ZRANB1: variants seen among roughly 807,000 people sequenced by gnomAD.
ZRANB1 encodes zinc finger RANBP2-type containing 1, also known as ubiquitin thioesterase ZRANB1.
A neutral mutation model predicts 80.5 loss-of-function variants in ZRANB1; 16 were observed. That is an observed-to-expected ratio of 0.20 (90% CI 0.13 to 0.30). ZRANB1 has a LOEUF of 0.30. Ranked by LOEUF, ZRANB1 falls within the 10% of genes least tolerant of loss-of-function variation. The probability of loss-of-function intolerance (pLI) is 1.00; values close to 1 mark genes in which losing one functional copy is unlikely to be tolerated. For missense variants in ZRANB1, 576 were observed against 862.6 expected, an observed-to-expected ratio of 0.67 and a Z score of 4.16; for synonymous variants, 291 against 293.1, an observed-to-expected ratio of 0.99 and a Z score of 0.07.
Position 124,983,523 on chromosome 10 carries a change from T to C in ZRANB1, c.1743T>C (p.Tyr581=), listed in dbSNP as rs562825045. The C allele has an allele frequency of 1.3e-4, 206 of 1,614,182 alleles. 1 individual carries two copies. In the South Asian group the frequency reaches 2.2e-3, roughly 17 times the overall value. ...FCWKSPIALG[Y]TRGHFSALVA... Reference sequence around the variant, plus strand: ...GGAAAAGTCCGATTGCTCTGGGTTATACGAGGGGCCACTTCTCTGCTTTGG... The same window carrying C: ...GGAAAAGTCCGATTGCTCTGGGTTACACGAGGGGCCACTTCTCTGCTTTGG... Residue 581 remains tyrosine, a synonymous_variant, in exon 8 of 9, where the codon TAT becomes TAC. Coordinates refer to ENST00000359653, the MANE Select transcript of ZRANB1 (RefSeq NM_017580.3). The surrounding 1 kb of genome is among the most constrained non-coding windows in gnomAD (Gnocchi z 6.2).
At position 124,972,059 on chromosome 10, in the gene ZRANB1, G is replaced by C. The variant is rs1951830831; in HGVS notation, c.1097G>C (p.Arg366Thr). ...GAGATAGCTGCCTCTCTTCATCAGA[G>C]AAAGGGGGATTTTGCTTGCTATTTT... ...RREIAASLHQ[R>T]KGDFACYFLT... The change falls in exon 3 of 9, where the codon AGA (arginine) becomes ACA (threonine). Residue 366 changes from arginine to threonine, a missense_variant. Transcript: ENST00000359653. The C allele has an allele frequency of 6.2e-7, 1 of 1,613,854 alleles. No individual in the cohort carries two copies. Among genetic ancestry groups the C allele is most frequent in the Non-Finnish European group, 8.5e-7 (1 of 1,179,894 alleles).
In ZRANB1 at chr10:124,942,259, A is replaced by G; in HGVS notation, c.-235A>G. 1 of 1,351,642 alleles carries G rather than the reference A, an allele frequency of 7.4e-7. No individual in the cohort carries two copies. Among genetic ancestry groups the G allele is most frequent in the Non-Finnish European group, 9.5e-7 (1 of 1,053,128 alleles). 83.7% of individuals were successfully genotyped at this position (1,351,642 alleles called of 1,614,324 possible). On this transcript the variant is annotated 5_prime_UTR_variant, in exon 1 of 9. An upstream open reading frame in the 5' UTR loses its in-frame stop. Coordinates refer to ENST00000359653, the MANE Select transcript of ZRANB1 (RefSeq NM_017580.3). ...TCAGTTTTATTAAATCCCAGGGTCT[A>G]AGATTTTTTCTTTGAGAATTTATCT...
chr10:124,948,403 T>C (rs1161135056), intron 1 of ZRANB1, among the ~76,000 whole-genome samples: 2 of 152,190 alleles, frequency 1.3e-5, no homozygotes, highest in Non-Finnish European at 2.9e-5. Context: ...TTTTCTACTG[T>C]GTGGGAGATT....
At chr10:124,981,159 A>G (rs1951929192) in intron 5 of ZRANB1, among the ~76,000 whole-genome samples, 1 of 152,210 alleles carries the variant, frequency 6.6e-6, no homozygotes, top group African/African-American at 2.4e-5. Context: ...TTCAGTGTTA[A>G]GCATAAAGAA....
intron 5 of ZRANB1, among the ~76,000 whole-genome samples, chr10:124,976,630 G>A (rs1951878650): frequency 1.5e-5 from 2 of 132,334 alleles, no homozygotes; most frequent in African/African-American, 5.8e-5. Flanking sequence ...GGAGTGCAGT[G>A]GCATGATCTC....
At chr10:124,970,353 C>T (rs1035937821) in intron 2 of ZRANB1, among the ~76,000 whole-genome samples, 1 of 152,132 alleles carries the variant, frequency 6.6e-6, no homozygotes, top group African/African-American at 2.4e-5. Flanking sequence ...ACCTCCCTGG[C>T]TCAAGTGATC....
the ZRANB1 span, among the ~76,000 whole-genome samples, chr10:124,922,319 A>AATAT: frequency 1.8e-3 from 31 of 17,382 alleles, 1 homozygote; most frequent in African/African-American, 2.3e-3. Context: ...ATATATGTAA[A>AATAT]ATATATGTAT....
intron 6 of ZRANB1, among the ~76,000 whole-genome samples, chr10:124,982,150 C>T (rs141163695): frequency 2.0e-5 from 3 of 152,146 alleles, no homozygotes; most frequent in Non-Finnish European, 4.4e-5. Context: ...AGTAGATAGT[C>T]TTGGGATTGC....
chr10:124,924,497 A>C, the ZRANB1 span, among the ~76,000 whole-genome samples: 1 of 152,176 alleles, frequency 6.6e-6, no homozygotes, highest in Non-Finnish European at 1.5e-5. Flanking sequence ...GCCTTGCCTC[A>C]GCTCCTGGCA....
Position 124,974,250 on chromosome 10 carries a change from C to T in ZRANB1, c.1279C>T (p.Arg427Cys). 4 of 1,614,224 alleles carry T rather than the reference C, an allele frequency of 2.5e-6. No individual in the cohort carries two copies. Among genetic ancestry groups the T allele is most frequent in the Non-Finnish European group, 3.4e-6 (4 of 1,180,038 alleles). ...IINWSLELAT[R>C]LDSRLYALWN... ...TAACTGGTCCTTGGAATTGGCTACA[C>T]GTTTGGACAGTCGACTGTATGCACT... is the stretch of plus-strand genomic sequence containing the variant. Residue 427 changes from arginine to cysteine, a missense_variant, in exon 5 of 9, where the codon CGT (arginine) becomes TGT (cysteine). Coordinates refer to ENST00000359653, the MANE Select transcript of ZRANB1 (RefSeq NM_017580.3).
intron 2 of ZRANB1, among the ~76,000 whole-genome samples, chr10:124,968,538 C>G (rs575873026): frequency 6.6e-6 from 1 of 152,178 alleles, no homozygotes; most frequent in Admixed American, 6.5e-5. Context: ...ATAGAGGGAT[C>G]CAGGTTTTGG....
intron 1 of ZRANB1, among the ~76,000 whole-genome samples, chr10:124,948,853 T>C (rs1020094411): frequency 1.3e-5 from 2 of 152,358 alleles, no homozygotes; most frequent in African/African-American, 4.8e-5. Flanking sequence ...CTCAGGTATT[T>C]TTATATCAAT....
the ZRANB1 span, among the ~76,000 whole-genome samples, chr10:124,926,350 G>A: frequency 7.9e-5 from 12 of 152,044 alleles, no homozygotes; most frequent in Admixed American, 2.6e-4. Flanking sequence ...GACTTTTGTA[G>A]TAACACTTAA....
chr10:124,940,450 C>T, upstream of ZRANB1: 1 of 1,225,072 alleles, frequency 8.2e-7, no homozygotes, highest in Admixed American at 2.4e-5. Context: ...TCTGAGCCAG[C>T]ATGAAGACGG....
At chr10:124,944,021 G>A (rs1266382329) in intron 1 of ZRANB1, among the ~76,000 whole-genome samples, 2 of 152,200 alleles carry the variant, frequency 1.3e-5, no homozygotes, top group Non-Finnish European at 2.9e-5. Context: ...CATGTAGCCA[G>A]CTGATTCCAT....
At chr10:124,940,598 A>ATTT, upstream of ZRANB1, 1 of 1,156,778 alleles carries the variant, frequency 8.6e-7, no homozygotes, top group Non-Finnish European at 1.1e-6. Flanking sequence ...TCTTATAGTG[A>ATTT]TTTTTTTTTC....
chr10:124,955,527 CGTGATACTCTTAA>C, intron 1 of ZRANB1, among the ~76,000 whole-genome samples: 1 of 152,094 alleles, frequency 6.6e-6, no homozygotes, highest in Non-Finnish European at 1.5e-5. Context: ...GCTAACTTTG[CGTGATACTCTTAA>C]GTGTGATGCG....
chr10:124,973,602 G>A (rs778813353), intron 3 of ZRANB1, 43 bp from the exon 4 acceptor site: 1 of 1,543,802 alleles, frequency 6.5e-7, no homozygotes, highest in Non-Finnish European at 8.9e-7. Context: ...TTAAGTGTAA[G>A]TTATGAAACA....
Position 124,942,842 on chromosome 10 carries a change from A to G in ZRANB1, c.349A>G (p.Thr117Ala), listed in dbSNP as rs764488079. 5.0e-6 allele frequency: 8 copies of G among 1,614,252 alleles called. No homozygotes were observed. The highest frequency in any genetic ancestry group is 4.4e-5 in the South Asian group (4 of 91,082). ...CLSQRRTRSP[T>A]ESPQSSGSGS... ...ATCCCAACGTAGGACCAGGAGTCCTACAGAATCTCCTCAGTCCTCAGGATC... is the reference window on the plus strand; with the variant it reads ...ATCCCAACGTAGGACCAGGAGTCCTGCAGAATCTCCTCAGTCCTCAGGATC... The change falls in exon 1 of 9, where the codon ACA becomes GCA. Residue 117 changes from threonine to alanine, a missense_variant. Thr to Ala is a moderately conservative substitution (Grantham distance 58). Transcript: ENST00000359653.
Sources: gnomAD v4.1 joint callset for allele counts (sites outside exome capture counted in the v4.1 genomes callset) on GRCh38, gnomAD v4.1.1 for gene constraint, Gnocchi (gnomAD v3.1) non-coding constraint, MANE v1.5 for transcripts, NCBI Gene and HGNC (gene_info 2026-07-23, HGNC 2026-07-21) for gene names.